Variants in HTRA2 observed in about 807,000 individuals in gnomAD.
The protein encoded by HTRA2 is serine protease HTRA2, mitochondrial.
HTRA2 carries 24 observed loss-of-function variants against 42.2 expected under a neutral mutation model. The ratio of observed to expected loss-of-function variants is 0.57; its 90% CI spans 0.41 to 0.80. The LOEUF is 0.80. Among genes scored for constraint, HTRA2 ranks in the 30% least tolerant of loss-of-function variants. The pLI, the probability that HTRA2 is intolerant of heterozygous loss-of-function variation, is 0.00. For missense variants in HTRA2, 466 were observed against 613.5 expected (o/e 0.76, Z 2.54); for synonymous variants, 245 against 255.8 (o/e 0.96, Z 0.40).
At chr2:74,531,950 T>C (rs1675641993) in intron 6 of HTRA2, 25 bp downstream of exon 6, 1 of 1,610,012 alleles carries the variant, frequency 6.2e-7, no homozygotes, top group Non-Finnish European at 8.5e-7. Flanking sequence ...GACAGTGACA[T>C]GTAATGTGAC....
At chr2:74,533,516 A>G (rs114661282), downstream of HTRA2, 3,440 of 1,183,926 alleles carry the variant, frequency 2.9e-3, 77 homozygotes, top group African/African-American at 0.047. Flanking sequence ...GCGGTTGCTG[A>G]CATGGGTTTC....
chr2:74,532,256 G>C (rs188353101), intron 6 of HTRA2, among the ~76,000 whole-genome samples: 7 of 152,300 alleles, frequency 4.6e-5, no homozygotes, highest in Admixed American at 4.6e-4. Context: ...CAGCCAACCT[G>C]ATTTCCTACT....
At chr2:74,531,410 AG>A in intron 4 of HTRA2, 39 bp downstream of exon 4, 1 of 1,611,876 alleles carries the variant, frequency 6.2e-7, no homozygotes. Context: ...TCCCTGCCCC[AG>A]GTCAGTGTGG....
rs749549949 is a variant in HTRA2 at position 74,531,144 on chromosome 2, AG to A, written c.906+45del. On this transcript the variant is annotated intron_variant, in intron 3 of 7. Transcript: ENST00000258080. ...GGAGAGAAATGACAAATGATGGGGGAGGGGGGAGAGGCTGTGTGGTACAAGC... is the reference window on the plus strand; with the variant it reads ...GGAGAGAAATGACAAATGATGGGGGAGGGGGAGAGGCTGTGTGGTACAAGC... 5.6e-4 allele frequency: 896 copies of A among 1,600,570 alleles called. 3 individuals carry two copies. Among genetic ancestry groups the A allele is most frequent in the Non-Finnish European group, 7.0e-4 (821 of 1,168,052 alleles).
upstream of HTRA2, chr2:74,529,785 C>A (rs1405682588): frequency 2.1e-6 from 3 of 1,450,652 alleles, no homozygotes; most frequent in Non-Finnish European, 1.8e-6. Flanking sequence ...TCCCAGCATA[C>A]CCCGCGGCCC....
In HTRA2 at chr2:74,530,345, TG is replaced by T. The variant is rs779457274; in HGVS notation, c.346del (p.Ala116GlnfsTer93). ...CGTGGCTGGCGGTGGCGCTGGGCGCTGGGGGGGCAGTGCTGTTGTTGTTGTG... is the reference window on the plus strand; with the variant it reads ...CGTGGCTGGCGGTGGCGCTGGGCGCTGGGGGGCAGTGCTGTTGTTGTTGTG... Reference protein sequence around the residue: ...RAWLAVALGAGGAVLLLLWGG... With the variant: ...RAWLAVALGAXGAVLLLLWGG... On this transcript the variant is annotated frameshift_variant, in exon 1 of 8. Coordinates refer to ENST00000258080, the MANE Select transcript of HTRA2 (RefSeq NM_013247.5). LOFTEE classifies it high-confidence loss of function. The surrounding 1 kb of genome is among the most constrained non-coding windows in gnomAD (Gnocchi z 7.4). The T allele has an allele frequency of 5.0e-6, 8 of 1,590,702 alleles. No individual in the cohort carries two copies. The highest frequency in any genetic ancestry group is 1.1e-5 in the South Asian group (1 of 89,330).
At chr2:74,533,446 G>A (rs538111927), downstream of HTRA2, 49 of 636,190 alleles carry the variant, frequency 7.7e-5, no homozygotes, top group Non-Finnish European at 1.1e-4. Context: ...GCTGGCCTCT[G>A]AAGGAGGGTG....
In HTRA2 at chr2:74,531,014, C is replaced by G; in HGVS notation, c.815C>G (p.Ser272Cys). Residue 272 changes from serine to cysteine, a missense_variant, in exon 3 of 8, where the codon TCC (serine) becomes TGC (cysteine). Coordinates refer to ENST00000258080, the MANE Select transcript of HTRA2 (RefSeq NM_013247.5). ...SPFALQNTIT[S>C]GIVSSAQRPA... Reference sequence around the variant, plus strand: ...TTTGCACTGCAGAACACGATCACATCCGGCATTGTTAGCTCTGCTCAGCGT... The same window carrying G: ...TTTGCACTGCAGAACACGATCACATGCGGCATTGTTAGCTCTGCTCAGCGT... The G allele has an allele frequency of 6.2e-7, 1 of 1,614,208 alleles. No individual in the cohort carries two copies. The highest frequency in any genetic ancestry group is 1.1e-5 in the South Asian group (1 of 91,086).
rs72907273 is a variant in HTRA2, at chr2:74,531,181, A to G, written c.906+76A>G. ...CTGTGTGGTACAAGCACCAACTGAT[A>G]TATGGTGGATGAGCCTATATAGAGC... On this transcript the variant is annotated intron_variant, in intron 3 of 7. Transcript: ENST00000258080. 3.4e-3 allele frequency: 5,248 copies of G among 1,556,926 alleles called. 171 individuals are homozygous for G. The African/African-American group carries it at 0.064, about 19-fold the overall frequency.
At chr2:74,532,596 T>G in intron 6 of HTRA2, 23 bp from the exon 7 acceptor site, 1 of 1,604,330 alleles carries the variant, frequency 6.2e-7, no homozygotes, top group Non-Finnish European at 8.5e-7. Context: ...GTTTGGCTAA[T>G]AGGGTGATCT....
chr2:74,531,503 C>T (rs939387956), intron 4 of HTRA2, 94 bp from the exon 5 acceptor site: 3 of 1,610,102 alleles, frequency 1.9e-6, no homozygotes, highest in African/African-American at 2.7e-5. Context: ...AATATCCAAC[C>T]AGATCTCCCC....
intron 3 of HTRA2, 78 bp from the exon 4 acceptor site, chr2:74,531,261 G>A (rs1220457896): frequency 2.5e-6 from 4 of 1,578,430 alleles, no homozygotes; most frequent in Non-Finnish European, 3.5e-6. Flanking sequence ...AGAGAATTTG[G>A]AGAAAGTACC....
chr2:74,532,544 T>A, intron 6 of HTRA2, 75 bp from the exon 7 acceptor site: 2 of 1,110,182 alleles, frequency 1.8e-6, no homozygotes, highest in East Asian at 4.8e-5. Context: ...AATGTGTTGA[T>A]GAGAGACTTG....
chr2:74,533,031 C>G lies in HTRA2; in HGVS notation c.*46C>G. 1.3e-6 allele frequency: 2 copies of G among 1,596,582 alleles called. No individual in the cohort carries two copies. The highest frequency in any genetic ancestry group is 1.7e-6 in the Non-Finnish European group (2 of 1,166,328). ...GGCTCCTGCTCTGATTTCCTCCTTG[C>G]CTTTCTGGCTGAGGTTCTGAGGGCA... On this transcript the variant is annotated 3_prime_UTR_variant, in exon 8 of 8. Coordinates refer to ENST00000258080, the MANE Select transcript of HTRA2 (RefSeq NM_013247.5).
chr2:74,531,703 G>A lies in HTRA2; in HGVS notation c.1045+1G>A, dbSNP rs752985153. On this transcript the variant is annotated splice_donor_variant, in intron 5 of 7. Coordinates refer to ENST00000258080, the MANE Select transcript of HTRA2 (RefSeq NM_013247.5). LOFTEE classifies it high-confidence loss of function. ...TTTCTGCATCGTGGGGAAAAGAAGAGTGAGCCTGCCTTATGGGGAAACGGG... is the reference window on the plus strand; with the variant it reads ...TTTCTGCATCGTGGGGAAAAGAAGAATGAGCCTGCCTTATGGGGAAACGGG... The A allele has an allele frequency of 6.2e-7, 1 of 1,613,996 alleles. No individual in the cohort carries two copies.
Position 74,530,834 on chromosome 2 carries a change from G to T in HTRA2, c.711+13G>T. The T allele has an allele frequency of 1.9e-6, 3 of 1,614,194 alleles. No individual in the cohort carries two copies. The highest frequency in any genetic ancestry group is 2.5e-6 in the Non-Finnish European group (3 of 1,180,042). On this transcript the variant is annotated intron_variant, in intron 2 of 7. Coordinates refer to ENST00000258080, the MANE Select transcript of HTRA2 (RefSeq NM_013247.5). The surrounding 1 kb of genome is among the most constrained non-coding windows in gnomAD (Gnocchi z 7.4). ...GATTCAGACTAAGGTGGGGGCTGGGGTAGGCCAGGTCTGGTTGGAGCTGCT... is the reference window on the plus strand; with the variant it reads ...GATTCAGACTAAGGTGGGGGCTGGGTTAGGCCAGGTCTGGTTGGAGCTGCT...
In HTRA2 at chr2:74,533,048, C is replaced by T. The variant is rs985974361; in HGVS notation, c.*63C>T. 4.6e-6 allele frequency: 7 copies of T among 1,534,468 alleles called. No homozygotes were observed. Among genetic ancestry groups the T allele is most frequent in the Admixed American group, 3.3e-5 (2 of 59,784 alleles). ...CCTCCTTGCCTTTCTGGCTGAGGTT[C>T]TGAGGGCACCGAGACAGAGGGTTAA... is the stretch of plus-strand genomic sequence containing the variant. On this transcript the variant is annotated 3_prime_UTR_variant, in exon 8 of 8. Coordinates refer to ENST00000258080, the MANE Select transcript of HTRA2 (RefSeq NM_013247.5).
In HTRA2 at chr2:74,530,644, T is replaced by C. The variant is rs1300034687; in HGVS notation, c.534T>C (p.Pro178=). ...DRHPFLGREV[P]ISNGSGFVVA... Reference sequence around the variant, plus strand: ...ACCCTTTCTTGGGCCGCGAGGTCCCTATCTCGAACGGCTCAGGATTCGTGG... The same window carrying C: ...ACCCTTTCTTGGGCCGCGAGGTCCCCATCTCGAACGGCTCAGGATTCGTGG... The change falls in exon 2 of 8, where the codon CCT becomes CCC. Residue 178 remains proline (P), a synonymous_variant. Transcript: ENST00000258080. This position sits in a 1 kb window ranked among gnomAD's most constrained non-coding sequence, Gnocchi z 7.4. 2 of 1,614,172 alleles carry C rather than the reference T, an allele frequency of 1.2e-6. No homozygotes were observed. Among genetic ancestry groups the C allele is most frequent in the South Asian group, 1.1e-5 (1 of 91,084 alleles).
At position 74,533,219 on chromosome 2, in the gene HTRA2, C is replaced by G. The variant is rs1320218838; in HGVS notation, c.*234C>G. ...GAGGTGGGAGGGCTGGATCTTTTCC[C>G]CCACCAAAAGGCTAGAGGTAAAGCT... is the stretch of plus-strand genomic sequence containing the variant. On this transcript the variant is annotated 3_prime_UTR_variant, in exon 8 of 8. Coordinates refer to ENST00000258080, the MANE Select transcript of HTRA2 (RefSeq NM_013247.5). 7 of 573,124 alleles carry G rather than the reference C, an allele frequency of 1.2e-5. No individual in the cohort carries two copies. Among genetic ancestry groups the G allele is most frequent in the Middle Eastern group, 4.6e-4 (1 of 2,196 alleles). 35.5% of individuals were successfully genotyped at this position (573,124 alleles called of 1,614,324 possible).
Sources: allele counts gnomAD v4.1 joint callset (sites outside exome capture counted in the v4.1 genomes callset), GRCh38; gene constraint gnomAD v4.1.1; non-coding constraint Gnocchi (gnomAD v3.1); transcripts MANE v1.5; gene names NCBI Gene and HGNC (gene_info 2026-07-23, HGNC 2026-07-21).